Variants in THSD7B observed in about 807,000 individuals in gnomAD.
THSD7B encodes thrombospondin type-1 domain-containing protein 7B.
THSD7B carries 138 observed loss-of-function variants against 213.6 expected under a neutral mutation model. The observed-to-expected ratio is 0.65, with a 90% confidence interval of 0.56 to 0.74. The LOEUF (loss-of-function observed/expected upper bound fraction) is 0.74. Among genes scored for constraint, THSD7B ranks in the 30% least tolerant of loss-of-function variants. THSD7B has a pLI of 0.00. For synonymous variants in THSD7B, 742 were observed against 687.0 expected (o/e 1.08, Z -1.25); for missense variants, 1,931 against 1,991.5 (o/e 0.97, Z 0.58).
At chr2:137,324,524 A>G (rs1335367805) in intron 12 of THSD7B, among the ~76,000 whole-genome samples, 1 of 152,180 alleles carries the variant, frequency 6.6e-6, no homozygotes, top group Non-Finnish European at 1.5e-5. Flanking sequence ...AATAACAAAA[A>G]AAAACCTCTG....
rs902491680 is a variant in THSD7B, at chr2:137,314,769, T to C, written c.2500+38743T>C. 1.2e-4 allele frequency among the ~76,000 whole-genome samples: 18 copies of C among 152,302 alleles called. No homozygotes were observed. The East Asian group carries it at 3.1e-3, about 26-fold the overall frequency. ...AGGTCTGTTGGAGTACTCGGCCTTG[T>C]GAGGTGTCAGTCTGCCCCTGCTGGG... On this transcript the variant is annotated intron_variant, in intron 12 of 27. Coordinates refer to ENST00000409968, the MANE Select transcript of THSD7B (RefSeq NM_001316349.2).
At chr2:137,486,906 C>G (rs1347699615) in intron 15 of THSD7B, among the ~76,000 whole-genome samples, 2 of 152,030 alleles carry the variant, frequency 1.3e-5, no homozygotes, top group Non-Finnish European at 2.9e-5. Context: ...GGGTAAATAA[C>G]GAAATGAAGG....
At chr2:137,145,919 C>T (rs923931841) in intron 5 of THSD7B, among the ~76,000 whole-genome samples, 14 of 152,008 alleles carry the variant, frequency 9.2e-5, no homozygotes, top group Admixed American at 2.0e-4. Context: ...TAATTATTCT[C>T]ATTATATTTG....
intron 5 of THSD7B, among the ~76,000 whole-genome samples, chr2:137,120,426 G>A (rs1688525830): frequency 6.6e-6 from 1 of 151,370 alleles, no homozygotes; most frequent in East Asian, 1.9e-4. Flanking sequence ...GGAAGTGGAG[G>A]AAGAAAAAGA....
chr2:137,438,093 TTCC>T (rs1687329528), intron 14 of THSD7B, among the ~76,000 whole-genome samples: 5 of 152,154 alleles, frequency 3.3e-5, no homozygotes, highest in Non-Finnish European at 1.5e-5. Flanking sequence ...TAACCTCTTG[TTCC>T]AGACCATCTG....
At chr2:137,116,776 G>T (rs1287886796) in intron 5 of THSD7B, among the ~76,000 whole-genome samples, 31 of 152,144 alleles carry the variant, frequency 2.0e-4, no homozygotes, top group Admixed American at 2.0e-3. Flanking sequence ...CTAGAATTGG[G>T]AATTAGATGC....
intron 17 of THSD7B, among the ~76,000 whole-genome samples, chr2:137,575,821 T>G (rs1411045378): frequency 6.6e-6 from 1 of 151,786 alleles, no homozygotes; most frequent in Non-Finnish European, 1.5e-5. Context: ...ACAATAACCT[T>G]CCTAATAGTG....
chr2:137,435,011 T>C (rs1464308381), intron 14 of THSD7B, among the ~76,000 whole-genome samples: 1 of 152,186 alleles, frequency 6.6e-6, no homozygotes, highest in Non-Finnish European at 1.5e-5. Context: ...ACTTTTTATG[T>C]CCATCTTTCT....
At chr2:137,000,349 G>A (rs973183496) in intron 2 of THSD7B, among the ~76,000 whole-genome samples, 4 of 152,092 alleles carry the variant, frequency 2.6e-5, no homozygotes, top group Admixed American at 2.0e-4. Flanking sequence ...AAGCTGTGTT[G>A]TCATCATAGA....
chr2:137,224,734 C>T (rs992470226), intron 7 of THSD7B, among the ~76,000 whole-genome samples: 75 of 152,154 alleles, frequency 4.9e-4, no homozygotes, highest in African/African-American at 1.5e-3. Flanking sequence ...TGCAGTGGCG[C>T]GATCTCGGCT....
chr2:137,401,150 T>TTAA (rs1249638881), intron 12 of THSD7B, among the ~76,000 whole-genome samples: 8 of 152,300 alleles, frequency 5.3e-5, no homozygotes, highest in East Asian at 3.9e-4. Context: ...CTATATATCT[T>TTAA]TAATATTGGC....
intron 21 of THSD7B, among the ~76,000 whole-genome samples, chr2:137,652,991 A>G (rs1285964598): frequency 2.0e-5 from 3 of 152,140 alleles, no homozygotes; most frequent in African/African-American, 7.2e-5. Context: ...GCACACCACA[A>G]TTACAGTATT....
chr2:136,884,759 C>T (rs375596797), intron 2 of THSD7B, among the ~76,000 whole-genome samples: 1 of 152,210 alleles, frequency 6.6e-6, no homozygotes, highest in East Asian at 1.9e-4. Flanking sequence ...TTAATGACTG[C>T]ATAGTATTCT....
At chr2:137,341,496 TAAAAA>T (rs984330288) in intron 12 of THSD7B, among the ~76,000 whole-genome samples, 2 of 151,624 alleles carry the variant, frequency 1.3e-5, no homozygotes, top group African/African-American at 4.8e-5. Context: ...TGGGGTCAAA[TAAAAA>T]AACAAACAAA....
chr2:137,052,384 A>G (rs1687085018), intron 2 of THSD7B, among the ~76,000 whole-genome samples: 1 of 152,198 alleles, frequency 6.6e-6, no homozygotes, highest in African/African-American at 2.4e-5. Flanking sequence ...ACATTACATC[A>G]GTAGTCAAAC....
intron 21 of THSD7B, among the ~76,000 whole-genome samples, chr2:137,643,766 A>G (rs982217891): frequency 6.6e-6 from 1 of 152,178 alleles, no homozygotes; most frequent in Non-Finnish European, 1.5e-5. Context: ...AAAGTTGAAT[A>G]TTAGGAAGAA....
intron 15 of THSD7B, among the ~76,000 whole-genome samples, chr2:137,512,382 C>CTTTTTT (rs70978233): frequency 1.2e-5 from 1 of 81,380 alleles, no homozygotes. Context: ...CATTTATTTC[C>CTTTTTT]TTTTTTTTTT....
chr2:137,556,810 A>G (rs1680980872), intron 15 of THSD7B, among the ~76,000 whole-genome samples: 1 of 152,206 alleles, frequency 6.6e-6, no homozygotes, highest in Non-Finnish European at 1.5e-5. Flanking sequence ...TCACTTGCAG[A>G]GACACACATA....
intron 12 of THSD7B, among the ~76,000 whole-genome samples, chr2:137,401,753 C>T (rs1399891342): frequency 6.6e-6 from 1 of 150,890 alleles, no homozygotes; most frequent in Non-Finnish European, 1.5e-5. Flanking sequence ...CATGTCCTAA[C>T]TTTGCGTGCA....
Sources: gnomAD v4.1 joint callset for allele counts (sites outside exome capture counted in the v4.1 genomes callset) on GRCh38, gnomAD v4.1.1 for gene constraint, MANE v1.5 for transcripts, NCBI Gene and HGNC (gene_info 2026-07-23, HGNC 2026-07-21) for gene names.